Variants in AUH observed in about 807,000 individuals in gnomAD.
AUH encodes methylglutaconyl-CoA hydratase, mitochondrial.
A neutral mutation model predicts 42.3 loss-of-function variants in AUH; 29 were observed. That is an observed-to-expected ratio of 0.69 (90% CI 0.51 to 0.93). The LOEUF is 0.93. Among genes scored for constraint, AUH ranks in the 40% least tolerant of loss-of-function variants. The pLI is 0.00. For synonymous variants in AUH, 174 were observed against 166.4 expected, an observed-to-expected ratio of 1.05 and a Z score of -0.35; for missense variants, 452 against 438.1, an observed-to-expected ratio of 1.03 and a Z score of -0.28.
At chr9:91,273,021 G>A (rs1240543900) in intron 6 of AUH, among the ~76,000 whole-genome samples, 1 of 152,208 alleles carries the variant, frequency 6.6e-6, no homozygotes, top group African/African-American at 2.4e-5. Flanking sequence ...AGCTAGCAAT[G>A]GATACCAACT....
intron 4 of AUH, among the ~76,000 whole-genome samples, chr9:91,315,200 A>C (rs2131797090): frequency 6.6e-6 from 1 of 152,278 alleles, no homozygotes; most frequent in South Asian, 2.1e-4. Flanking sequence ...TGGCCTCGAA[A>C]AGTGGTGGGA....
At chr9:91,331,172 T>C (rs1240029402) in intron 3 of AUH, among the ~76,000 whole-genome samples, 5 of 151,348 alleles carry the variant, frequency 3.3e-5, no homozygotes, top group Non-Finnish European at 7.4e-5. Flanking sequence ...ACAAAAAGAG[T>C]AAAAAATAAA....
At chr9:91,326,789 T>C (rs1829992892) in intron 3 of AUH, among the ~76,000 whole-genome samples, 2 of 152,200 alleles carry the variant, frequency 1.3e-5, no homozygotes, top group African/African-American at 4.8e-5. Context: ...TTTAAATGTT[T>C]TGGAATGCCT....
intron 6 of AUH, among the ~76,000 whole-genome samples, chr9:91,286,444 G>A (rs1010443700): frequency 2.0e-5 from 3 of 151,990 alleles, no homozygotes; most frequent in Non-Finnish European, 2.9e-5. Context: ...GAAATAGTCA[G>A]CCAATGGTAA....
chr9:91,228,406 T>G (rs1465390326), intron 6 of AUH, among the ~76,000 whole-genome samples: 1 of 148,748 alleles, frequency 6.7e-6, no homozygotes, highest in Non-Finnish European at 1.5e-5. Context: ...GATATCCCCT[T>G]TATCATTTTT....
At chr9:91,314,743 A>C (rs921485732) in intron 4 of AUH, among the ~76,000 whole-genome samples, 3 of 152,074 alleles carry the variant, frequency 2.0e-5, no homozygotes, top group African/African-American at 7.2e-5. Flanking sequence ...TAACGGGCTA[A>C]AGAGAAACCA....
chr9:91,216,675 A>T (rs1331233686), intron 8 of AUH, among the ~76,000 whole-genome samples: 2 of 152,212 alleles, frequency 1.3e-5, no homozygotes, highest in Non-Finnish European at 2.9e-5. Flanking sequence ...AGAAGGAAGC[A>T]CTTTTCTTCA....
intron 6 of AUH, among the ~76,000 whole-genome samples, chr9:91,275,360 C>T (rs2131532980): frequency 6.6e-6 from 1 of 152,306 alleles, no homozygotes; most frequent in Non-Finnish European, 1.5e-5. Context: ...TGATGTGATA[C>T]ATGACTGATT....
At chr9:91,341,499 A>G (rs1831097968) in intron 3 of AUH, among the ~76,000 whole-genome samples, 2 of 152,258 alleles carry the variant, frequency 1.3e-5, no homozygotes, top group Admixed American at 1.3e-4. Context: ...CCCTAGATAC[A>G]ACCTTCTATT....
chr9:91,303,716 T>C (rs937330594), intron 4 of AUH, among the ~76,000 whole-genome samples: 19 of 152,240 alleles, frequency 1.2e-4, no homozygotes, highest in African/African-American at 4.3e-4. Flanking sequence ...AGGCCCTATG[T>C]AGCATTATGC....
At chr9:91,235,064 G>A (rs1828100662) in intron 6 of AUH, among the ~76,000 whole-genome samples, 2 of 151,960 alleles carry the variant, frequency 1.3e-5, no homozygotes, top group Non-Finnish European at 2.9e-5. Flanking sequence ...AGCAGGACAG[G>A]AGCTTGGGTA....
chr9:91,310,050 G>A (rs749619162), intron 4 of AUH, among the ~76,000 whole-genome samples: 10 of 151,980 alleles, frequency 6.6e-5, no homozygotes, highest in African/African-American at 1.9e-4. Context: ...CCTCAACTCC[G>A]AATTCATCTG....
At position 91,280,621 on chromosome 9, in the gene AUH, ATAT is replaced by A. The variant is rs148771458; in HGVS notation, c.655+15397_655+15399del. 3.0e-3 allele frequency among the ~76,000 whole-genome samples: 463 copies of A among 152,328 alleles called. 5 individuals are homozygous for A. The highest frequency in any genetic ancestry group is 0.011 in the African/African-American group (442 of 41,580). ...GGCAGTTAAAGTAAATAACATACTCATATTATTAATTCTCCAATCTTTTCTGTA... is the reference window on the plus strand; with the variant it reads ...GGCAGTTAAAGTAAATAACATACTCATATTAATTCTCCAATCTTTTCTGTA... On this transcript the variant is annotated intron_variant, in intron 6 of 9. Transcript: ENST00000375731.
intron 3 of AUH, among the ~76,000 whole-genome samples, chr9:91,351,118 C>A (rs1831944819): frequency 6.6e-6 from 1 of 152,076 alleles, no homozygotes. Context: ...TACAGGCACG[C>A]ACCACCATGC....
intron 4 of AUH, among the ~76,000 whole-genome samples, chr9:91,323,678 G>A (rs994757205): frequency 7.3e-5 from 11 of 150,322 alleles, no homozygotes; most frequent in Non-Finnish European, 1.3e-4. Flanking sequence ...AGACTACAAC[G>A]AAAACAAGGG....
rs555922134 is a variant in AUH, at chr9:91,261,449, T to C, written c.655+34572A>G. 7.9e-5 allele frequency among the ~76,000 whole-genome samples: 12 copies of C among 152,344 alleles called. No homozygotes were observed. In the East Asian group the frequency reaches 2.1e-3, roughly 27 times the overall value. On this transcript the variant is annotated intron_variant, in intron 6 of 9. Transcript: ENST00000375731. ...TATTCAGAATTTTAAATGTTCCCAG[T>C]TCACTTCTGTGTGAACTCTGGGAAT...
chr9:91,286,230 C>T (rs985649829), intron 6 of AUH, among the ~76,000 whole-genome samples: 1 of 152,128 alleles, frequency 6.6e-6, no homozygotes, highest in Non-Finnish European at 1.5e-5. Context: ...ACTACACACA[C>T]TCACAGGATT....
chr9:91,332,525 A>C (rs1830404669), intron 3 of AUH, among the ~76,000 whole-genome samples: 3 of 152,278 alleles, frequency 2.0e-5, no homozygotes, highest in Non-Finnish European at 4.4e-5. Flanking sequence ...ACATACAAAC[A>C]AACCTATCCT....
chr9:91,321,347 A>C (rs140204864), intron 4 of AUH, among the ~76,000 whole-genome samples: 5 of 151,864 alleles, frequency 3.3e-5, no homozygotes, highest in Non-Finnish European at 7.4e-5. Context: ...TTCTCTTTAC[A>C]TTTTTTTAAG....
Sources: allele counts gnomAD v4.1 joint callset (sites outside exome capture counted in the v4.1 genomes callset), GRCh38; gene constraint gnomAD v4.1.1; transcripts MANE v1.5; gene names NCBI Gene and HGNC (gene_info 2026-07-23, HGNC 2026-07-21).